KCNQ1: variants seen among roughly 807,000 people sequenced by gnomAD.
KCNQ1 encodes potassium voltage-gated channel subfamily KQT member 1.
KCNQ1 carries 49 observed loss-of-function variants against 72.4 expected under a neutral mutation model. The observed-to-expected ratio is 0.68, with a 90% CI of 0.54 to 0.86. KCNQ1 has a LOEUF of 0.86. Ranked by LOEUF, KCNQ1 falls within the 40% of genes least tolerant of loss-of-function variation. The probability of loss-of-function intolerance (pLI) is 0.00; values close to 1 mark genes in which losing one functional copy is unlikely to be tolerated. For synonymous variants in KCNQ1, 450 were observed against 412.6 expected (o/e 1.09, Z -1.10); for missense variants, 790 against 945.1 (o/e 0.84, Z 2.15).
rs905031854 is a variant in KCNQ1 at position 2,824,257 on chromosome 11, G to A, written c.1795-23510G>A. On this transcript the variant is annotated intron_variant, in intron 15 of 15. Transcript: ENST00000155840. This position sits in a 1 kb window ranked among gnomAD's most constrained non-coding sequence, Gnocchi z 5.9. ...GAGTAGAGGGGAGGTGGGTGAGGAG[G>A]CTACGCAGAGGCCCTGGGAGGAGGG... Among the ~76,000 whole-genome samples the A allele has an allele frequency of 3.3e-5, 5 of 152,156 alleles. No individual in the cohort carries two copies. The highest frequency in any genetic ancestry group is 1.2e-4 in the African/African-American group (5 of 41,436).
chr11:2,570,160 A>G (rs1398875758), intron 2 of KCNQ1, among the ~76,000 whole-genome samples: 1 of 139,614 alleles, frequency 7.2e-6, no homozygotes, highest in Non-Finnish European at 1.5e-5. Flanking sequence ...CCTCTGGCCC[A>G]AGCTGGGGTT....
chr11:2,495,317 T>A lies in KCNQ1; in HGVS notation c.387-32611T>A, dbSNP rs989545857. ...GATTCATTGATTTTTTTGGAAGGGTTTTTCATGTCTCTATCTCCTTCAGTT... is the reference window on the plus strand; with the variant it reads ...GATTCATTGATTTTTTTGGAAGGGTATTTCATGTCTCTATCTCCTTCAGTT... On this transcript the variant is annotated intron_variant, in intron 1 of 15. Coordinates refer to ENST00000155840, the MANE Select transcript of KCNQ1 (RefSeq NM_000218.3). The surrounding 1 kb of genome is among the most constrained non-coding windows in gnomAD (Gnocchi z 4.6). Among the ~76,000 whole-genome samples the A allele has an allele frequency of 6.6e-5, 10 of 152,140 alleles. No homozygotes were observed. Among genetic ancestry groups the A allele is most frequent in the African/African-American group, 1.9e-4 (8 of 41,426 alleles).
rs1244746233 is a variant in KCNQ1, at chr11:2,664,922, C to T, written c.1514+2841C>T. ...GTTTCCATCTCGAGCTCTCCCCGCC[C>T]GCAGGGCCCCAGAGAGGTGAGGTCA... On this transcript the variant is annotated intron_variant, in intron 11 of 15. Transcript: ENST00000155840. This position sits in a 1 kb window ranked among gnomAD's most constrained non-coding sequence, Gnocchi z 5.1. 5 of 398,492 alleles carry T rather than the reference C, an allele frequency of 1.3e-5. No individual in the cohort carries two copies. Among genetic ancestry groups the T allele is most frequent in the South Asian group, 1.3e-4 (1 of 7,868 alleles). 24.7% of individuals were successfully genotyped at this position (398,492 alleles called of 1,614,324 possible). A position where few individuals can be genotyped will look rare whatever the true frequency, so the allele number is the denominator to read the frequency against.
Position 2,481,485 on chromosome 11 carries a change from C to T in KCNQ1, c.386+36001C>T, listed in dbSNP as rs1846650741. 6.6e-6 allele frequency among the ~76,000 whole-genome samples: 1 copy of T among 152,138 alleles called. No homozygotes were observed. The highest frequency in any genetic ancestry group is 2.1e-4 in the South Asian group (1 of 4,830). ...GGCTGCTTCCCCGAGGCTGTGTGGCCATCAGCCAGGCGTCCCCAACCCCCA... is the reference window on the plus strand; with the variant it reads ...GGCTGCTTCCCCGAGGCTGTGTGGCTATCAGCCAGGCGTCCCCAACCCCCA... On this transcript the variant is annotated intron_variant, in intron 1 of 15. Coordinates refer to ENST00000155840, the MANE Select transcript of KCNQ1 (RefSeq NM_000218.3). This position sits in a 1 kb window ranked among gnomAD's most constrained non-coding sequence, Gnocchi z 4.6.
chr11:2,772,206 G>C lies in KCNQ1; in HGVS notation c.1590+3287G>C, dbSNP rs1261423446. 1.3e-5 allele frequency among the ~76,000 whole-genome samples: 2 copies of C among 151,838 alleles called. No individual in the cohort carries two copies. The highest frequency in any genetic ancestry group is 2.9e-5 in the Non-Finnish European group (2 of 67,932). On this transcript the variant is annotated intron_variant, in intron 12 of 15. Transcript: ENST00000155840. The surrounding 1 kb of genome is among the most constrained non-coding windows in gnomAD (Gnocchi z 6.6). Reference sequence around the variant, plus strand: ...ACCTCTCAGGATGCTTCCCTTCCTCGACGCCTGCCTGTCTGCTTGCTTGCA... The same window carrying C: ...ACCTCTCAGGATGCTTCCCTTCCTCCACGCCTGCCTGTCTGCTTGCTTGCA...
rs2133971614 is a variant in KCNQ1, at chr11:2,759,356, G to T, written c.1515-9488G>T. Among the ~76,000 whole-genome samples the T allele has an allele frequency of 1.3e-5, 2 of 152,218 alleles. No individual in the cohort carries two copies. Among genetic ancestry groups the T allele is most frequent in the South Asian group, 2.1e-4 (1 of 4,816 alleles). ...TCTCCTGGGTCCTCCAGCACTCTGG[G>T]TTTCCTCTGCCAAGACCCCCACCCA... is the stretch of plus-strand genomic sequence containing the variant. On this transcript the variant is annotated intron_variant, in intron 11 of 15. Transcript: ENST00000155840. This position sits in a 1 kb window ranked among gnomAD's most constrained non-coding sequence, Gnocchi z 4.4.
intron 15 of KCNQ1, among the ~76,000 whole-genome samples, chr11:2,796,735 CAG>C (rs1265090698): frequency 6.6e-6 from 1 of 152,222 alleles, no homozygotes; most frequent in Non-Finnish European, 1.5e-5. Flanking sequence ...CCCAGGAAGA[CAG>C]AGACTGGGAG....
At chr11:2,454,084 T>G (rs1181121596) in intron 1 of KCNQ1, among the ~76,000 whole-genome samples, 5 of 152,112 alleles carry the variant, frequency 3.3e-5, no homozygotes, top group Admixed American at 3.3e-4. Context: ...AGGATGCTTT[T>G]TAAGTGAAAA....
rs1439477125 is a variant in KCNQ1 at position 2,453,203 on chromosome 11, GTC to G, written c.386+7723_386+7724del. ...AGCCTGACCAACGTGGTGAAACCCT[GTC>G]TCTACTAAAAATACAGAATTAGCCG... On this transcript the variant is annotated intron_variant, in intron 1 of 15. Coordinates refer to ENST00000155840, the MANE Select transcript of KCNQ1 (RefSeq NM_000218.3). Among the ~76,000 whole-genome samples, 4 of 152,178 alleles carry G rather than the reference GTC, an allele frequency of 2.6e-5. No individual in the cohort carries two copies. The East Asian group carries it at 7.7e-4, about 29-fold the overall frequency.
At chr11:2,771,927 A>T (rs1846607097) in intron 12 of KCNQ1, among the ~76,000 whole-genome samples, 1 of 152,198 alleles carries the variant, frequency 6.6e-6, no homozygotes, top group South Asian at 2.1e-4. Flanking sequence ...GGCTTCCTGA[A>T]GCAGACTGGG....
At chr11:2,799,705 A>G (rs895346934) in intron 15 of KCNQ1, among the ~76,000 whole-genome samples, 3 of 152,162 alleles carry the variant, frequency 2.0e-5, no homozygotes, top group Non-Finnish European at 4.4e-5. Context: ...CTGTTACAGC[A>G]AATACCCTCC....
Position 2,691,388 on chromosome 11 carries a change from A to G in KCNQ1, c.1514+29307A>G, listed in dbSNP as rs1850585296. ...TGGGCTCAGGCCTCTGGGTCTGGGC[A>G]TAGAAGCCCAGGAACTGCTGTCTGT... is the stretch of plus-strand genomic sequence containing the variant. On this transcript the variant is annotated intron_variant, in intron 11 of 15. Coordinates refer to ENST00000155840, the MANE Select transcript of KCNQ1 (RefSeq NM_000218.3). This position sits in a 1 kb window ranked among gnomAD's most constrained non-coding sequence, Gnocchi z 6.4. 1.8e-5 allele frequency: 7 copies of G among 398,668 alleles called. No homozygotes were observed. The East Asian group carries it at 2.5e-4, about 14-fold the overall frequency. The allele number at this position is 398,668 out of a possible 1,614,324, so 24.7% of individuals were successfully genotyped here.
rs1235534639 is a variant in KCNQ1 at position 2,683,664 on chromosome 11, A to G, written c.1514+21583A>G. ...TGCAAGGAACATCCCTTACTTTCCC[A>G]TCTCAATACAACTGTGAAAAGCCTA... On this transcript the variant is annotated intron_variant, in intron 11 of 15. Transcript: ENST00000155840. The surrounding 1 kb of genome is among the most constrained non-coding windows in gnomAD (Gnocchi z 4.7). 2 of 398,460 alleles carry G rather than the reference A, an allele frequency of 5.0e-6. No individual in the cohort carries two copies. Among genetic ancestry groups the G allele is most frequent in the Admixed American group, 8.8e-5 (2 of 22,706 alleles). 24.7% of individuals were successfully genotyped at this position (398,460 alleles called of 1,614,324 possible).
At chr11:2,754,614 G>A (rs930064237) in intron 11 of KCNQ1, among the ~76,000 whole-genome samples, 1 of 152,228 alleles carries the variant, frequency 6.6e-6, no homozygotes, top group African/African-American at 2.4e-5. Context: ...CCAAGGAGGT[G>A]TTGCAGGTTG....
chr11:2,575,559 A>G (rs754589640), intron 6 of KCNQ1, among the ~76,000 whole-genome samples: 1 of 152,218 alleles, frequency 6.6e-6, no homozygotes, highest in Non-Finnish European at 1.5e-5. Context: ...CCAATTTGCA[A>G]CTGCGCCCTG....
chr11:2,678,777 G>A lies in KCNQ1; in HGVS notation c.1514+16696G>A, dbSNP rs1850337295. On this transcript the variant is annotated intron_variant, in intron 11 of 15. Coordinates refer to ENST00000155840, the MANE Select transcript of KCNQ1 (RefSeq NM_000218.3). The surrounding 1 kb of genome is among the most constrained non-coding windows in gnomAD (Gnocchi z 4.9). Reference sequence around the variant, plus strand: ...TGTTTGGGACTGAGGCTTCATCGTGGCAGCTAATAATGTCAGGGAGCATGA... The same window carrying A: ...TGTTTGGGACTGAGGCTTCATCGTGACAGCTAATAATGTCAGGGAGCATGA... 1 of 398,602 alleles carries A rather than the reference G, an allele frequency of 2.5e-6. No individual in the cohort carries two copies. 24.7% of individuals were successfully genotyped at this position (398,602 alleles called of 1,614,324 possible).
intron 1 of KCNQ1, among the ~76,000 whole-genome samples, chr11:2,521,192 G>T (rs1294522119): frequency 1.3e-5 from 2 of 151,970 alleles, no homozygotes; most frequent in Non-Finnish European, 2.9e-5. Flanking sequence ...CTCCCAAACT[G>T]AAATTCTGCA....
rs1847867275 is a variant in KCNQ1, at chr11:2,544,248, G to GTGTATATA, written c.477+16231_477+16232insGTATATAT. ...CTCATATATATATATGTGTGTGTGT[G>GTGTATATA]TATATATATATGTGTGTGTGTGTAT... On this transcript the variant is annotated intron_variant, in intron 2 of 15. Transcript: ENST00000155840. This position sits in a 1 kb window ranked among gnomAD's most constrained non-coding sequence, Gnocchi z 4.4. 7.0e-6 allele frequency among the ~76,000 whole-genome samples: 1 copy of GTGTATATA among 141,884 alleles called. No homozygotes were observed. The highest frequency in any genetic ancestry group is 2.8e-5 in the African/African-American group (1 of 35,346). 93.1% of individuals were successfully genotyped at this position (141,884 alleles called of 152,430 possible).
At chr11:2,760,560 G>T (rs1224952707) in intron 11 of KCNQ1, among the ~76,000 whole-genome samples, 2 of 152,114 alleles carry the variant, frequency 1.3e-5, no homozygotes, top group Middle Eastern at 3.2e-3. Context: ...GCAGGGAGAG[G>T]GTCCATCCGC....
Sources: allele counts gnomAD v4.1 joint callset (sites outside exome capture counted in the v4.1 genomes callset), GRCh38; gene constraint gnomAD v4.1.1; non-coding constraint Gnocchi (gnomAD v3.1); transcripts MANE v1.5; gene names NCBI Gene and HGNC (gene_info 2026-07-23, HGNC 2026-07-21).